FUT8: variants seen among roughly 807,000 people sequenced by gnomAD.
FUT8 encodes the protein fucosyltransferase 8, also known as alpha-(1,6)-fucosyltransferase.
Under a neutral mutation model 71.3 loss-of-function variants are expected in FUT8, and 29 were observed. The observed-to-expected ratio is 0.41, with a 90% confidence interval of 0.30 to 0.55. FUT8 has a LOEUF of 0.55. Ranked by LOEUF, FUT8 falls within the 20% of genes least tolerant of loss-of-function variation. The probability of loss-of-function intolerance (pLI) is 0.34; values close to 1 mark genes in which losing one functional copy is unlikely to be tolerated. For synonymous variants in FUT8, 254 were observed against 239.3 expected (o/e 1.06, Z -0.57); for missense variants, 544 against 702.1 (o/e 0.77, Z 2.55).
intron 2 of FUT8, among the ~76,000 whole-genome samples, chr14:65,542,157 A>C (rs1884712244): frequency 6.6e-6 from 1 of 152,186 alleles, no homozygotes; most frequent in African/African-American, 2.4e-5. Flanking sequence ...ACACTATATA[A>C]ATGTAATCGT....
intron 9 of FUT8, among the ~76,000 whole-genome samples, chr14:65,725,863 T>C (rs1305137948): frequency 6.6e-6 from 1 of 152,260 alleles, no homozygotes; most frequent in East Asian, 1.9e-4. Flanking sequence ...AGGACTATAA[T>C]GCAGGTATTA....
chr14:65,717,881 A>G (rs1020182463), intron 7 of FUT8, among the ~76,000 whole-genome samples: 7 of 151,450 alleles, frequency 4.6e-5, no homozygotes, highest in African/African-American at 1.7e-4. Flanking sequence ...AGGTATAGCT[A>G]CTCCTGCTCT....
At chr14:65,541,407 C>G (rs546091996) in intron 2 of FUT8, among the ~76,000 whole-genome samples, 2 of 152,158 alleles carry the variant, frequency 1.3e-5, no homozygotes, top group East Asian at 3.9e-4. Context: ...GGCCAGAAAA[C>G]CAGGGGAACC....
chr14:65,741,092 T>TA (rs976364548), intron 10 of FUT8, among the ~76,000 whole-genome samples: 1 of 151,966 alleles, frequency 6.6e-6, no homozygotes, highest in African/African-American at 2.4e-5. Flanking sequence ...TCACAATGTA[T>TA]AAATTGCTTA....
At chr14:65,697,286 G>A (rs1894043031) in intron 7 of FUT8, among the ~76,000 whole-genome samples, 1 of 152,218 alleles carries the variant, frequency 6.6e-6, no homozygotes, top group East Asian at 1.9e-4. Context: ...CTTGTCTTTA[G>A]GCCTTTTAGA....
chr14:65,690,629 ATCTCTC>A (rs58811272), intron 7 of FUT8, among the ~76,000 whole-genome samples: 3 of 144,806 alleles, frequency 2.1e-5, no homozygotes, highest in African/African-American at 7.6e-5. Context: ...TCATCCCTTT[ATCTCTC>A]TCTCTCTCTC....
Position 65,472,802 on chromosome 14 carries a change from A to AT in FUT8, c.-228+17092dup, listed in dbSNP as rs1162372020. Among the ~76,000 whole-genome samples, 4 of 151,794 alleles carry AT rather than the reference A, an allele frequency of 2.6e-5. No individual in the cohort carries two copies. The highest frequency in any genetic ancestry group is 2.1e-4 in the South Asian group (1 of 4,808). ...ACAGAATAAGGTAATGTTTATTCTT[A>AT]TTTTTTTTGTGATATGGTAAAAAAC... On this transcript the variant is annotated intron_variant, in intron 2 of 10. Coordinates refer to ENST00000673929, the MANE Select transcript of FUT8 (RefSeq NM_001371533.1). This position sits in a 1 kb window ranked among gnomAD's most constrained non-coding sequence, Gnocchi z 4.4.
intron 2 of FUT8, among the ~76,000 whole-genome samples, chr14:65,537,302 T>A (rs1167870485): frequency 4.0e-5 from 6 of 151,872 alleles, no homozygotes; most frequent in Non-Finnish European, 8.8e-5. Flanking sequence ...ACTAGTGTAG[T>A]CATTGGGAGG....
At chr14:65,625,672 A>G (rs1889860334) in intron 5 of FUT8, among the ~76,000 whole-genome samples, 1 of 152,246 alleles carries the variant, frequency 6.6e-6, no homozygotes, top group Admixed American at 6.5e-5. Context: ...CACATGAAAC[A>G]AATGTCTAAA....
intron 2 of FUT8, among the ~76,000 whole-genome samples, chr14:65,476,229 G>A (rs567415268): frequency 6.6e-6 from 1 of 152,292 alleles, no homozygotes; most frequent in East Asian, 1.9e-4. Context: ...AGGACTGGAG[G>A]ATGGGGTAGG....
intron 3 of FUT8, among the ~76,000 whole-genome samples, chr14:65,575,407 T>C (rs1001140793): frequency 2.6e-5 from 4 of 152,192 alleles, no homozygotes; most frequent in Non-Finnish European, 5.9e-5. Flanking sequence ...ATGTAATCTT[T>C]CATACATGGG....
intron 6 of FUT8, among the ~76,000 whole-genome samples, chr14:65,632,691 C>A (rs1890256814): frequency 6.6e-6 from 1 of 152,102 alleles, no homozygotes; most frequent in African/African-American, 2.4e-5. Flanking sequence ...CTGACTGTTC[C>A]TTTTGCTGTG....
chr14:65,455,322 G>C (rs190227778), intron 1 of FUT8, among the ~76,000 whole-genome samples: 1 of 152,142 alleles, frequency 6.6e-6, no homozygotes, highest in Non-Finnish European at 1.5e-5. Flanking sequence ...GATAGACAAA[G>C]TTAAAGAATT....
intron 1 of FUT8, among the ~76,000 whole-genome samples, chr14:65,417,409 G>A (rs766627999): frequency 5.9e-5 from 9 of 152,050 alleles, no homozygotes; most frequent in Non-Finnish European, 1.3e-4. Context: ...CCTCCCACCA[G>A]GCAAAGGTTT....
intron 3 of FUT8, among the ~76,000 whole-genome samples, chr14:65,587,962 A>G (rs367908647): frequency 3.9e-5 from 6 of 152,350 alleles, no homozygotes. Context: ...TAATTGGTAA[A>G]TAGTGCCATC....
chr14:65,478,135 C>G (rs557500490), intron 2 of FUT8, among the ~76,000 whole-genome samples: 1 of 151,990 alleles, frequency 6.6e-6, no homozygotes, highest in Non-Finnish European at 1.5e-5. Context: ...GAGAGCGTTC[C>G]CCCCTCTACC....
At chr14:65,545,331 T>A (rs1363245724) in intron 2 of FUT8, among the ~76,000 whole-genome samples, 2 of 151,966 alleles carry the variant, frequency 1.3e-5, no homozygotes, top group African/African-American at 4.8e-5. Context: ...TAATCCTGAA[T>A]AGGATTGGAT....
At chr14:65,517,250 A>G (rs1882772325) in intron 2 of FUT8, among the ~76,000 whole-genome samples, 1 of 151,994 alleles carries the variant, frequency 6.6e-6, no homozygotes, top group Admixed American at 6.6e-5. Flanking sequence ...TAGTTTACAT[A>G]TTTTTACTTA....
At chr14:65,533,277 T>C (rs1884075442) in intron 2 of FUT8, among the ~76,000 whole-genome samples, 2 of 152,236 alleles carry the variant, frequency 1.3e-5, no homozygotes, top group African/African-American at 4.8e-5. Flanking sequence ...CATTGATTTT[T>C]CCTGTCCACG....
Sources: gnomAD v4.1 joint callset for allele counts (sites outside exome capture counted in the v4.1 genomes callset) on GRCh38, gnomAD v4.1.1 for gene constraint, Gnocchi (gnomAD v3.1) non-coding constraint, MANE v1.5 for transcripts, NCBI Gene and HGNC (gene_info 2026-07-23, HGNC 2026-07-21) for gene names.